Variants in ADGRB3 observed in about 807,000 individuals in gnomAD.
ADGRB3 encodes adhesion G protein-coupled receptor B3.
A neutral mutation model predicts 193.4 loss-of-function variants in ADGRB3; 37 were observed. The observed-to-expected ratio is 0.19, with a 90% CI of 0.15 to 0.25. ADGRB3 has a LOEUF of 0.25. ADGRB3 is among the 10% of genes least tolerant of loss of function. ADGRB3 has a pLI of 1.00. For synonymous variants in ADGRB3, 690 were observed against 644.2 expected (o/e 1.07, Z -1.08); for missense variants, 1,637 against 1,852.9 (o/e 0.88, Z 2.14).
chr6:68,829,078 G>T, intron 3 of ADGRB3, among the ~76,000 whole-genome samples: 1 of 140,454 alleles, frequency 7.1e-6, no homozygotes, highest in Middle Eastern at 3.7e-3. Context: ...TTTTTTAATA[G>T]CTGTTTAAGT....
intron 20 of ADGRB3, among the ~76,000 whole-genome samples, chr6:69,243,752 C>T (rs1766431659): frequency 6.6e-6 from 1 of 151,878 alleles, no homozygotes; most frequent in Non-Finnish European, 1.5e-5. Flanking sequence ...TAAGAAGGAC[C>T]TGTAGTTGCC....
At chr6:68,879,675 A>G (rs116320765) in intron 3 of ADGRB3, among the ~76,000 whole-genome samples, 129 of 152,164 alleles carry the variant, frequency 8.5e-4, no homozygotes, top group African/African-American at 3.1e-3. Context: ...TTTCAGGGAG[A>G]ACTTTCTTTG....
intron 3 of ADGRB3, among the ~76,000 whole-genome samples, chr6:68,659,050 A>C (rs1234608869): frequency 6.6e-6 from 1 of 151,090 alleles, no homozygotes. Flanking sequence ...CTTTAAAATA[A>C]TTTTCATAAG....
chr6:69,346,831 G>C (rs1252738265), intron 26 of ADGRB3, among the ~76,000 whole-genome samples: 1 of 152,160 alleles, frequency 6.6e-6, no homozygotes, highest in African/African-American at 2.4e-5. Context: ...AATACCATTT[G>C]ACCCAGCAAT....
intron 3 of ADGRB3, among the ~76,000 whole-genome samples, chr6:68,657,178 A>G (rs1768509500): frequency 6.6e-6 from 1 of 151,418 alleles, no homozygotes; most frequent in Non-Finnish European, 1.5e-5. Flanking sequence ...TTTCCTGGGA[A>G]AGTCAAGAGT....
intron 17 of ADGRB3, among the ~76,000 whole-genome samples, chr6:69,182,630 T>G (rs1236978355): frequency 1.3e-5 from 2 of 152,170 alleles, no homozygotes; most frequent in African/African-American, 2.4e-5. Flanking sequence ...TGCCATTATT[T>G]CTGCATTACT....
At chr6:68,883,437 T>A (rs898895417) in intron 3 of ADGRB3, among the ~76,000 whole-genome samples, 38 of 152,226 alleles carry the variant, frequency 2.5e-4, no homozygotes. Context: ...TTCCACGTTG[T>A]AGGAGCTTTG....
intron 20 of ADGRB3, among the ~76,000 whole-genome samples, chr6:69,279,892 T>C (rs1767397057): frequency 6.6e-6 from 1 of 152,104 alleles, no homozygotes; most frequent in African/African-American, 2.4e-5. Context: ...CTTCTTGGTA[T>C]CTTGTCTGTC....
intron 20 of ADGRB3, among the ~76,000 whole-genome samples, chr6:69,305,225 T>C (rs1280502908): frequency 6.6e-6 from 1 of 151,614 alleles, no homozygotes; most frequent in East Asian, 1.9e-4. Flanking sequence ...TCCTGAATTA[T>C]ACTAATCCTA....
At chr6:69,153,974 C>T (rs1301788817) in intron 17 of ADGRB3, among the ~76,000 whole-genome samples, 2 of 151,920 alleles carry the variant, frequency 1.3e-5, no homozygotes, top group African/African-American at 4.8e-5. Flanking sequence ...GCCAGGGCGA[C>T]AGAGTGAGAC....
At chr6:68,642,837 T>C (rs1449066157) in intron 3 of ADGRB3, among the ~76,000 whole-genome samples, 1 of 152,056 alleles carries the variant, frequency 6.6e-6, no homozygotes, top group Admixed American at 6.5e-5. Context: ...CATTATGGTT[T>C]ACCAGTTTTT....
intron 3 of ADGRB3, among the ~76,000 whole-genome samples, chr6:68,701,960 A>G (rs1204995967): frequency 6.6e-6 from 1 of 152,192 alleles, no homozygotes; most frequent in Non-Finnish European, 1.5e-5. Flanking sequence ...GCTACGGGAT[A>G]CAGGAGTTAT....
At chr6:69,086,772 G>C (rs1772562575) in intron 17 of ADGRB3, among the ~76,000 whole-genome samples, 1 of 152,104 alleles carries the variant, frequency 6.6e-6, no homozygotes, top group African/African-American at 2.4e-5. Context: ...TTATGGTTTA[G>C]GGTATGAGAT....
chr6:69,375,232 A>AT (rs1273586709), intron 30 of ADGRB3, among the ~76,000 whole-genome samples: 3 of 152,092 alleles, frequency 2.0e-5, no homozygotes, highest in South Asian at 2.1e-4. Flanking sequence ...GCACAGAATG[A>AT]TTTTTTATAC....
intron 19 of ADGRB3, among the ~76,000 whole-genome samples, chr6:69,235,608 A>G (rs1240611264): frequency 6.6e-6 from 1 of 152,074 alleles, no homozygotes; most frequent in Admixed American, 6.6e-5. Flanking sequence ...CTATTGAAGC[A>G]CTAACATAAT....
intron 20 of ADGRB3, among the ~76,000 whole-genome samples, chr6:69,274,625 T>TCTCTTCCCTTCTTC (rs1276564635): frequency 1.5e-5 from 2 of 132,984 alleles, no homozygotes; most frequent in Non-Finnish European, 3.2e-5. Flanking sequence ...CTCCCTCCCT[T>TCTCTTCCCTTCTTC]CCTTCCTTCT....
intron 3 of ADGRB3, among the ~76,000 whole-genome samples, chr6:68,920,391 C>T (rs1282431730): frequency 6.6e-6 from 1 of 151,030 alleles, no homozygotes; most frequent in African/African-American, 2.4e-5. Flanking sequence ...TGGTGGTGGG[C>T]TCTGTGGTCC....
chr6:68,827,096 T>G (rs1582233976), intron 3 of ADGRB3, among the ~76,000 whole-genome samples: 1 of 152,088 alleles, frequency 6.6e-6, no homozygotes, highest in African/African-American at 2.4e-5. Flanking sequence ...ATAAAAGAGA[T>G]AAATTGTAGG....
In ADGRB3 at chr6:69,118,556, G is replaced by C. The variant is rs192156324; in HGVS notation, c.2480+42518G>C. On this transcript the variant is annotated intron_variant, in intron 17 of 31. Coordinates refer to ENST00000370598, the MANE Select transcript of ADGRB3 (RefSeq NM_001704.3). ...CAAGTAAGTGTATATGATTGGTGAA[G>C]CCTAAATTGCATTTAGAATCTTACT... Among the ~76,000 whole-genome samples the C allele has an allele frequency of 4.5e-4, 69 of 152,070 alleles. No individual in the cohort carries two copies. In the East Asian group the frequency reaches 0.012, roughly 27 times the overall value.
Sources: gnomAD v4.1 joint callset for allele counts (sites outside exome capture counted in the v4.1 genomes callset) on GRCh38, gnomAD v4.1.1 for gene constraint, MANE v1.5 for transcripts, NCBI Gene and HGNC (gene_info 2026-07-23, HGNC 2026-07-21) for gene names.